UNC13C: variants seen among roughly 807,000 people sequenced by gnomAD.
UNC13C encodes the protein protein unc-13 homolog C.
Under a neutral mutation model 245.4 loss-of-function variants are expected in UNC13C, and 174 were observed. That is an observed-to-expected ratio of 0.71 (90% CI 0.63 to 0.80). The LOEUF (loss-of-function observed/expected upper bound fraction) is 0.80. Ranked by LOEUF, UNC13C falls within the 30% of genes least tolerant of loss-of-function variation. UNC13C has a pLI of 0.00. For synonymous variants in UNC13C, 992 were observed against 895.1 expected, an observed-to-expected ratio of 1.11 and a Z score of -1.93; for missense variants, 2,829 against 2,602.9, an observed-to-expected ratio of 1.09 and a Z score of -1.89.
At chr15:54,535,483 A>C (rs1895947569) in intron 26 of UNC13C, among the ~76,000 whole-genome samples, 1 of 152,084 alleles carries the variant, frequency 6.6e-6, no homozygotes, top group Non-Finnish European at 1.5e-5. Context: ...TAAACTCTAC[A>C]CTTGACCAAA....
intron 2 of UNC13C, among the ~76,000 whole-genome samples, chr15:54,102,967 G>T (rs1372478775): frequency 6.6e-6 from 1 of 152,198 alleles, no homozygotes; most frequent in African/African-American, 2.4e-5. Context: ...AAGCCTGTTG[G>T]TGGCTGTCGT....
At chr15:54,492,729 T>G (rs996093439) in intron 19 of UNC13C, among the ~76,000 whole-genome samples, 4 of 152,130 alleles carry the variant, frequency 2.6e-5, no homozygotes, top group Non-Finnish European at 4.4e-5. Flanking sequence ...GCAAGTTAAT[T>G]AGTTTGCCCC....
intron 8 of UNC13C, among the ~76,000 whole-genome samples, chr15:54,261,864 C>G (rs1225655844): frequency 6.6e-6 from 1 of 152,098 alleles, no homozygotes; most frequent in African/African-American, 2.4e-5. Context: ...TTTTTAAAAG[C>G]TACATATTTT....
intron 2 of UNC13C, among the ~76,000 whole-genome samples, chr15:54,081,021 T>A (rs1898912341): frequency 6.6e-6 from 1 of 152,060 alleles, no homozygotes. Context: ...TATTTTTGTT[T>A]GTTTCAAAAT....
intron 19 of UNC13C, among the ~76,000 whole-genome samples, chr15:54,474,996 G>A (rs2899544): frequency 0.44 from 66,569 of 151,222 alleles, 14,900 homozygotes; most frequent in East Asian, 0.71. Context: ...CCATTAGTGT[G>A]AAGACATCCA....
chr15:54,093,535 T>C (rs1257148833), intron 2 of UNC13C, among the ~76,000 whole-genome samples: 1 of 152,238 alleles, frequency 6.6e-6, no homozygotes, highest in Non-Finnish European at 1.5e-5. Flanking sequence ...AATGAGAACA[T>C]CTTTTATTTT....
chr15:54,430,866 G>A (rs1349652112), intron 19 of UNC13C, among the ~76,000 whole-genome samples: 3 of 151,716 alleles, frequency 2.0e-5, no homozygotes, highest in African/African-American at 7.2e-5. Context: ...TAATGTAACT[G>A]AGGGAACAGT....
intron 4 of UNC13C, among the ~76,000 whole-genome samples, chr15:54,223,124 T>C (rs1271442879): frequency 6.6e-6 from 1 of 152,154 alleles, no homozygotes; most frequent in East Asian, 1.9e-4. Context: ...CCATTTTTGC[T>C]TTGGTTGCCT....
chr15:54,335,998 A>C lies in UNC13C; in HGVS notation c.4584+2142A>C, dbSNP rs902048454. 6.6e-5 allele frequency among the ~76,000 whole-genome samples: 10 copies of C among 151,552 alleles called. 1 individual carries two copies. In the East Asian group the frequency reaches 1.3e-3, roughly 20 times the overall value. ...ATTCTAGTAGAAGTGACGTTGCATTATCTTAATGTATTAATTTTATTTGTC... is the reference window on the plus strand; with the variant it reads ...ATTCTAGTAGAAGTGACGTTGCATTCTCTTAATGTATTAATTTTATTTGTC... On this transcript the variant is annotated intron_variant, in intron 16 of 32. Transcript: ENST00000260323.
At chr15:54,456,590 T>TTTTA (rs71105811) in intron 19 of UNC13C, among the ~76,000 whole-genome samples, 25,078 of 142,648 alleles carry the variant, frequency 0.18, 2,339 homozygotes, top group Middle Eastern at 0.26. Context: ...CTCCTATGTA[T>TTTTA]TTTATTTATT....
At chr15:54,557,289 T>C (rs1217617221) in intron 29 of UNC13C, among the ~76,000 whole-genome samples, 1 of 151,884 alleles carries the variant, frequency 6.6e-6, no homozygotes, top group Non-Finnish European at 1.5e-5. Context: ...TGATGCCAAC[T>C]CTTTCTCTAG....
chr15:54,414,743 A>G (rs890224502), intron 18 of UNC13C, among the ~76,000 whole-genome samples: 2 of 152,114 alleles, frequency 1.3e-5, no homozygotes, highest in East Asian at 3.9e-4. Context: ...CCCAGGCACC[A>G]TTACTTTGGC....
chr15:53,911,371 A>G, the UNC13C span: 1 of 152,216 alleles, frequency 6.6e-6, no homozygotes, highest in Non-Finnish European at 1.5e-5. Context: ...AGGTTCCTCC[A>G]CTGCTGGATC....
chr15:54,343,142 T>TG (rs1180193551), intron 17 of UNC13C, among the ~76,000 whole-genome samples: 3 of 151,826 alleles, frequency 2.0e-5, no homozygotes, highest in African/African-American at 7.3e-5. Context: ...GCATAACTTT[T>TG]TTTTTTTTTT....
intron 7 of UNC13C, among the ~76,000 whole-genome samples, chr15:54,248,498 C>T (rs1192096413): frequency 6.6e-6 from 1 of 152,170 alleles, no homozygotes; most frequent in African/African-American, 2.4e-5. Context: ...TTCTAATTCT[C>T]AAAGAACTCT....
intron 17 of UNC13C, among the ~76,000 whole-genome samples, chr15:54,339,416 C>T (rs1349341139): frequency 6.6e-6 from 1 of 152,016 alleles, no homozygotes; most frequent in Non-Finnish European, 1.5e-5. Context: ...TCCCTCACAC[C>T]CCTCCGAGCC....
chr15:54,629,123 A>C (rs944981011), downstream of UNC13C: 3 of 152,196 alleles, frequency 2.0e-5, no homozygotes, highest in East Asian at 5.8e-4. Flanking sequence ...GAATGAGACC[A>C]TGTCCTTCAC....
At chr15:54,110,772 T>C (rs1328705028) in intron 2 of UNC13C, among the ~76,000 whole-genome samples, 1 of 152,202 alleles carries the variant, frequency 6.6e-6, no homozygotes, top group Non-Finnish European at 1.5e-5. Context: ...TCTAGTGACT[T>C]CCTTGAACAG....
chr15:54,297,802 C>T lies in UNC13C; in HGVS notation c.3989-9C>T. On this transcript the variant is annotated splice_polypyrimidine_tract_variant and intron_variant, in intron 11 of 32. Transcript: ENST00000260323. ...ACATGACTGACCAATTGCCTTTTTG[C>T]TTTATCAGAGAAAAGGACAGATAAG... 6.3e-7 allele frequency: 1 copy of T among 1,587,146 alleles called. No homozygotes were observed. The highest frequency in any genetic ancestry group is 1.1e-5 in the South Asian group (1 of 87,674).
Sources: gnomAD v4.1 joint callset for allele counts (sites outside exome capture counted in the v4.1 genomes callset) on GRCh38, gnomAD v4.1.1 for gene constraint, MANE v1.5 for transcripts, NCBI Gene and HGNC (gene_info 2026-07-23, HGNC 2026-07-21) for gene names.